IL1RAPL2: variants seen among roughly 807,000 people sequenced by gnomAD.
The protein encoded by IL1RAPL2 is X-linked interleukin-1 receptor accessory protein-like 2.
Under a neutral mutation model 44.1 loss-of-function variants are expected in IL1RAPL2, and 3 were observed. The ratio of observed to expected loss-of-function variants is 0.07; its 90% confidence interval spans 0.03 to 0.18. The LOEUF is 0.18. Among genes scored for constraint, IL1RAPL2 ranks in the 10% least tolerant of loss-of-function variants. The pLI is 1.00. For synonymous variants in IL1RAPL2, 181 were observed against 178.8 expected (o/e 1.01, Z -0.10); for missense variants, 391 against 496.4 (o/e 0.79, Z 2.02).
intron 2 of IL1RAPL2, among the ~76,000 whole-genome samples, chrX:105,158,301 G>A (rs2033288679): frequency 9.0e-6 from 1 of 111,264 alleles, no homozygotes; most frequent in Non-Finnish European, 1.9e-5. Context: ...GGAGCTTGCA[G>A]TGAGCCGAGA....
intron 2 of IL1RAPL2, among the ~76,000 whole-genome samples, chrX:105,070,767 C>G (rs1602934449): frequency 9.2e-6 from 1 of 108,732 alleles, no homozygotes; most frequent in East Asian, 2.9e-4. Flanking sequence ...ACCTTTTAAA[C>G]AATATAAAAG....
chrX:105,004,710 T>C (rs1245754722), intron 2 of IL1RAPL2, among the ~76,000 whole-genome samples: 1 of 111,112 alleles, frequency 9.0e-6, no homozygotes, highest in Non-Finnish European at 1.9e-5. Flanking sequence ...GATGAAAATG[T>C]TGAGAGACCC....
intron 7 of IL1RAPL2, among the ~76,000 whole-genome samples, chrX:105,728,610 G>A (rs1312663270): frequency 9.0e-6 from 1 of 111,203 alleles, no homozygotes; most frequent in African/African-American, 3.3e-5. Context: ...GAGTTGAGCA[G>A]AAAGTACAGA....
intron 5 of IL1RAPL2, chrX:105,406,533 C>T (rs773653531): frequency 1.4e-4 from 172 of 1,193,175 alleles, no homozygotes; most frequent in Non-Finnish European, 1.9e-4. Flanking sequence ...GTCAGAACTG[C>T]GATGCCAGGA....
intron 6 of IL1RAPL2, among the ~76,000 whole-genome samples, chrX:105,673,585 T>G (rs1048981242): frequency 8.9e-6 from 1 of 111,961 alleles, no homozygotes; most frequent in Non-Finnish European, 1.9e-5. Flanking sequence ...ACATTTGGGT[T>G]GATTTCATGT....
chrX:105,656,771 A>G (rs778804276), intron 6 of IL1RAPL2, among the ~76,000 whole-genome samples: 5 of 111,705 alleles, frequency 4.5e-5, no homozygotes, highest in Non-Finnish European at 9.4e-5. Context: ...CAAATTTTGC[A>G]AAGAATATCA....
At chrX:104,958,102 AAATG>A (rs1208810361) in intron 2 of IL1RAPL2, among the ~76,000 whole-genome samples, 1 of 111,115 alleles carries the variant, frequency 9.0e-6, no homozygotes, top group Admixed American at 9.6e-5. Flanking sequence ...CAAAGTAAAT[AAATG>A]AATGAATGAA....
intron 2 of IL1RAPL2, among the ~76,000 whole-genome samples, chrX:104,910,601 C>T (rs1168753742): frequency 9.0e-6 from 1 of 111,585 alleles, no homozygotes; most frequent in African/African-American, 3.3e-5. Context: ...ATTTTAAATA[C>T]CTGAGTTTCC....
chrX:105,585,872 G>T (rs1282762945), intron 6 of IL1RAPL2, among the ~76,000 whole-genome samples: 1 of 111,964 alleles, frequency 8.9e-6, no homozygotes, highest in African/African-American at 3.3e-5. Flanking sequence ...ATTCCTTTGG[G>T]TATACACCCA....
intron 2 of IL1RAPL2, among the ~76,000 whole-genome samples, chrX:105,077,004 C>T (rs1466166380): frequency 9.0e-6 from 1 of 111,171 alleles, no homozygotes; most frequent in Non-Finnish European, 1.9e-5. Context: ...TCCAATTTGC[C>T]AGTCTGTGCC....
chrX:104,610,318 A>G (rs943943129), intron 1 of IL1RAPL2, among the ~76,000 whole-genome samples: 3 of 110,952 alleles, frequency 2.7e-5, no homozygotes, highest in African/African-American at 9.8e-5. Flanking sequence ...AGGGTATTCA[A>G]TTAGGAGAAG....
intron 7 of IL1RAPL2, among the ~76,000 whole-genome samples, chrX:105,720,749 G>A (rs1483092711): frequency 9.1e-6 from 1 of 109,889 alleles, no homozygotes; most frequent in Admixed American, 9.7e-5. Flanking sequence ...TTATATAGTA[G>A]ACATAAATTT....
At chrX:104,982,289 C>T (rs1444344474) in intron 2 of IL1RAPL2, among the ~76,000 whole-genome samples, 1 of 110,931 alleles carries the variant, frequency 9.0e-6, no homozygotes, top group Non-Finnish European at 1.9e-5. Context: ...ATCTCAAAGA[C>T]CACTTTCTAT....
In IL1RAPL2 at chrX:105,690,597, C is replaced by T. The variant is rs553459444; in HGVS notation, c.773-26770C>T. ...CAAGCACTTACCTACATTATGTGAACTCGAATTCTTAAAATGTTTTGAATT... is the reference window on the plus strand; with the variant it reads ...CAAGCACTTACCTACATTATGTGAATTCGAATTCTTAAAATGTTTTGAATT... On this transcript the variant is annotated intron_variant, in intron 6 of 10. Coordinates refer to ENST00000372582, the MANE Select transcript of IL1RAPL2 (RefSeq NM_017416.2). 1.5e-4 allele frequency among the ~76,000 whole-genome samples: 17 copies of T among 111,870 alleles called. 1 individual carries two copies. The highest frequency in any genetic ancestry group is 4.9e-4 in the African/African-American group (15 of 30,862).
chrX:105,521,163 C>T (rs1569450213), intron 6 of IL1RAPL2, among the ~76,000 whole-genome samples: 1 of 102,084 alleles, frequency 9.8e-6, no homozygotes, highest in Non-Finnish European at 2.0e-5. Context: ...CCAGGATGGT[C>T]ACGATCTCCT....
intron 2 of IL1RAPL2, among the ~76,000 whole-genome samples, chrX:105,154,142 G>A (rs973245788): frequency 4.5e-5 from 5 of 111,050 alleles, no homozygotes; most frequent in Admixed American, 9.6e-5. Flanking sequence ...CTGTTTTATC[G>A]GTATTAAGAT....
intron 2 of IL1RAPL2, among the ~76,000 whole-genome samples, chrX:104,875,014 T>G: frequency 9.0e-6 from 1 of 111,646 alleles, no homozygotes; most frequent in Admixed American, 9.5e-5. Flanking sequence ...TCTCACTCAG[T>G]GTTACATCTG....
chrX:104,598,903 A>G (rs1955027817), intron 1 of IL1RAPL2, among the ~76,000 whole-genome samples: 1 of 112,340 alleles, frequency 8.9e-6, no homozygotes, highest in Admixed American at 9.5e-5. Context: ...TTTAAAAATA[A>G]TATTGATAGC....
intron 2 of IL1RAPL2, among the ~76,000 whole-genome samples, chrX:104,728,326 A>G (rs769969493): frequency 4.5e-5 from 5 of 111,599 alleles, no homozygotes; most frequent in Non-Finnish European, 9.4e-5. Context: ...GAATCCAGAA[A>G]GAAGCCAGAT....
Sources: gnomAD v4.1 joint callset for allele counts (sites outside exome capture counted in the v4.1 genomes callset) on GRCh38, gnomAD v4.1.1 for gene constraint, MANE v1.5 for transcripts, NCBI Gene and HGNC (gene_info 2026-07-23, HGNC 2026-07-21) for gene names.